Variants in KDM4C observed in about 807,000 individuals in gnomAD.
The protein encoded by KDM4C is lysine demethylase 4C.
KDM4C carries 81 observed loss-of-function variants against 129.3 expected under a neutral mutation model. The observed-to-expected ratio is 0.63, with a 90% CI of 0.52 to 0.75. The LOEUF (loss-of-function observed/expected upper bound fraction) is 0.75, where lower values mean the gene tolerates loss of function less well. Ranked by LOEUF, KDM4C falls within the 30% of genes least tolerant of loss-of-function variation. KDM4C has a pLI of 0.00. For missense variants in KDM4C, 1,457 were observed against 1,304.0 expected (o/e 1.12, Z -1.81); for synonymous variants, 573 against 456.1 (o/e 1.26, Z -3.26).
At chr9:6,949,782 G>T (rs569986320) in intron 8 of KDM4C, among the ~76,000 whole-genome samples, 3 of 152,370 alleles carry the variant, frequency 2.0e-5, no homozygotes, top group African/African-American at 4.8e-5. Flanking sequence ...AGTGAGCGGA[G>T]ATGGCAGCAG....
At chr9:6,833,954 A>C (rs1308798288) in intron 4 of KDM4C, among the ~76,000 whole-genome samples, 1 of 151,908 alleles carries the variant, frequency 6.6e-6, no homozygotes, top group Non-Finnish European at 1.5e-5. Context: ...GTTTTTGAGA[A>C]ATATACCACT....
chr9:6,995,539 C>G (rs1351249376), intron 12 of KDM4C, among the ~76,000 whole-genome samples: 1 of 152,172 alleles, frequency 6.6e-6, no homozygotes, highest in Non-Finnish European at 1.5e-5. Flanking sequence ...ATCTTTAGCA[C>G]TCTTGGGATA....
intron 4 of KDM4C, among the ~76,000 whole-genome samples, chr9:6,838,299 G>A (rs943328316): frequency 2.0e-5 from 3 of 152,106 alleles, no homozygotes; most frequent in Non-Finnish European, 2.9e-5. Flanking sequence ...CATTATTTGC[G>A]CTATCTCTCT....
chr9:6,775,956 C>G (rs1184284315), intron 1 of KDM4C, among the ~76,000 whole-genome samples: 1 of 152,170 alleles, frequency 6.6e-6, no homozygotes, highest in African/African-American at 2.4e-5. Flanking sequence ...AAAAATGTCT[C>G]CAGGCATTGC....
chr9:7,164,949 C>G (rs1306396415), intron 19 of KDM4C, among the ~76,000 whole-genome samples: 2 of 152,186 alleles, frequency 1.3e-5, no homozygotes, highest in African/African-American at 2.4e-5. Flanking sequence ...GGTTTCTATG[C>G]ATATTTTAGT....
chr9:6,751,758 T>C (rs1324250017), intron 1 of KDM4C, among the ~76,000 whole-genome samples: 1 of 152,146 alleles, frequency 6.6e-6, no homozygotes, highest in Non-Finnish European at 1.5e-5. Flanking sequence ...CTAGAAAATG[T>C]ATTATAAAGC....
intron 15 of KDM4C, 106 bp downstream of exon 15, chr9:7,016,035 C>A: frequency 1.6e-6 from 1 of 644,200 alleles, no homozygotes; most frequent in Non-Finnish European, 2.7e-6. Flanking sequence ...CTTATATGTG[C>A]AGTTCTGCAC....
intron 4 of KDM4C, among the ~76,000 whole-genome samples, chr9:6,815,885 C>G (rs1488400680): frequency 6.6e-6 from 1 of 152,162 alleles, no homozygotes; most frequent in Non-Finnish European, 1.5e-5. Context: ...GTCTCTTTAT[C>G]TCTGTTTCTA....
At chr9:6,734,997 T>A (rs2988411) in intron 1 of KDM4C, 106,870 of 550,920 alleles carry the variant, frequency 0.19, 12,085 homozygotes, top group Non-Finnish European at 0.25. Context: ...GTTGATAGGG[T>A]TTGGGTATTA....
At chr9:7,060,999 C>T (rs1220464684) in intron 17 of KDM4C, among the ~76,000 whole-genome samples, 1 of 152,172 alleles carries the variant, frequency 6.6e-6, no homozygotes, top group Non-Finnish European at 1.5e-5. Context: ...AATCTGTCCG[C>T]CCATCCATCT....
chr9:6,981,270 G>T, intron 9 of KDM4C, 152 bp downstream of exon 9: 3 of 616,600 alleles, frequency 4.9e-6, no homozygotes, highest in Non-Finnish European at 2.7e-6. Context: ...TTAATTCTTA[G>T]GTGTGTAATA....
Position 6,792,964 on chromosome 9 carries a change from C to G in KDM4C, c.-17-8C>G. 6.2e-7 allele frequency: 1 copy of G among 1,613,674 alleles called. No homozygotes were observed. Among genetic ancestry groups the G allele is most frequent in the Non-Finnish European group, 8.5e-7 (1 of 1,179,796 alleles). Reference sequence around the variant, plus strand: ...TCAGTTCTGTTGACCCTACTGTCTTCTCTCCAGACACTGCCCTAACCATCA... The same window carrying G: ...TCAGTTCTGTTGACCCTACTGTCTTGTCTCCAGACACTGCCCTAACCATCA... On this transcript the variant is annotated splice_polypyrimidine_tract_variant and splice_region_variant and intron_variant, in intron 1 of 21. Transcript: ENST00000381309.
rs558136132 is a variant in KDM4C, at chr9:6,801,550, T to TAA, written c.145-4040_145-4039dup. On this transcript the variant is annotated intron_variant, in intron 2 of 21. Transcript: ENST00000381309. ...CCGTGCCCAGCCTGACCTTGTCTCT[T>TAA]AAAAAAAAAAGATTGGAGGGCAAGT... 2.1e-5 allele frequency among the ~76,000 whole-genome samples: 3 copies of TAA among 145,458 alleles called. No individual in the cohort carries two copies. In the Admixed American group the frequency reaches 2.1e-4, roughly 10 times the overall value.
In KDM4C at chr9:6,741,326, C is replaced by T. The variant is rs142226151; in HGVS notation, c.49+20329C>T. ...AGCAGAATCGCTTGAACTAGGGAGG[C>T]GGAGGTTGCAGTGGGCAGAGATTGC... On this transcript the variant is annotated intron_variant, in intron 1 of 17. Coordinates refer to the KDM4C transcript ENST00000536108. Among the ~76,000 whole-genome samples, 721 of 151,968 alleles carry T rather than the reference C, an allele frequency of 4.7e-3. 7 individuals carry two copies. The highest frequency in any genetic ancestry group is 0.017 in the African/African-American group (698 of 41,464).
At chr9:6,903,093 G>A (rs972606757) in intron 8 of KDM4C, among the ~76,000 whole-genome samples, 3 of 151,726 alleles carry the variant, frequency 2.0e-5, no homozygotes, top group Non-Finnish European at 4.4e-5. Flanking sequence ...TTTTTGATTC[G>A]ATTAAAAAAA....
At chr9:7,121,195 A>G (rs1839446713) in intron 18 of KDM4C, among the ~76,000 whole-genome samples, 1 of 152,194 alleles carries the variant, frequency 6.6e-6, no homozygotes, top group Non-Finnish European at 1.5e-5. Flanking sequence ...AATTTAGGCT[A>G]GGCTTGGCTG....
chr9:6,908,939 T>C (rs1471102818), intron 8 of KDM4C, among the ~76,000 whole-genome samples: 4 of 152,188 alleles, frequency 2.6e-5, no homozygotes, highest in Non-Finnish European at 5.9e-5. Flanking sequence ...ACATTTTTCT[T>C]TCTACGAGGT....
chr9:7,094,860 G>A (rs7849812), intron 17 of KDM4C, among the ~76,000 whole-genome samples: 53,929 of 152,066 alleles, frequency 0.35, 9,807 homozygotes, highest in Middle Eastern at 0.52. Context: ...CAAAGAGGTT[G>A]TGGCAGGTCA....
At chr9:6,948,517 G>C (rs1042164902) in intron 8 of KDM4C, among the ~76,000 whole-genome samples, 80 of 130,606 alleles carry the variant, frequency 6.1e-4, no homozygotes, top group Admixed American at 5.8e-3. Flanking sequence ...GATCATTCTT[G>C]GGTGTTTCTC....
Sources: allele counts gnomAD v4.1 joint callset (sites outside exome capture counted in the v4.1 genomes callset), GRCh38; gene constraint gnomAD v4.1.1; transcripts MANE v1.5; gene names NCBI Gene and HGNC (gene_info 2026-07-23, HGNC 2026-07-21).